IGF2BP1: variants seen among roughly 807,000 people sequenced by gnomAD.
The protein encoded by IGF2BP1 is insulin-like growth factor 2 mRNA-binding protein 1.
A neutral mutation model predicts 74.9 loss-of-function variants in IGF2BP1; 11 were observed. The observed-to-expected ratio is 0.15, with a 90% CI of 0.09 to 0.24. The LOEUF is 0.24. Among genes scored for constraint, IGF2BP1 ranks in the 10% least tolerant of loss-of-function variants. IGF2BP1 has a pLI of 1.00. For synonymous variants in IGF2BP1, 287 were observed against 281.8 expected, an observed-to-expected ratio of 1.02 and a Z score of -0.18; for missense variants, 440 against 757.4, an observed-to-expected ratio of 0.58 and a Z score of 4.92.
intron 2 of IGF2BP1, among the ~76,000 whole-genome samples, chr17:49,024,545 ATTG>A (rs1384733312): frequency 6.6e-6 from 1 of 152,152 alleles, no homozygotes; most frequent in Non-Finnish European, 1.5e-5. Context: ...AGATACATCT[ATTG>A]TTATACTTCA....
chr17:48,999,190 G>A (rs199502590), intron 2 of IGF2BP1, 21 bp downstream of exon 2: 3 of 761,016 alleles, frequency 3.9e-6, no homozygotes, highest in Non-Finnish European at 6.7e-6. Context: ...GCTCTTTTCG[G>A]GGGGGGTGGG....
intron 11 of IGF2BP1, 90 bp downstream of exon 11, chr17:49,044,176 A>G: frequency 6.7e-7 from 1 of 1,503,512 alleles, no homozygotes; most frequent in Non-Finnish European, 9.0e-7. Context: ...CCCCCTACTC[A>G]TTTGAGAATT....
intron 7 of IGF2BP1, 25 bp downstream of exon 7, chr17:49,040,116 C>A: frequency 6.2e-6 from 10 of 1,612,990 alleles, no homozygotes; most frequent in Non-Finnish European, 8.5e-6. Flanking sequence ...TTTCTTGGAT[C>A]TTCAGGGTCT....
At chr17:48,999,806 GC>G (rs753753942) in intron 2 of IGF2BP1, among the ~76,000 whole-genome samples, 4 of 151,312 alleles carry the variant, frequency 2.6e-5, no homozygotes, top group East Asian at 1.9e-4. Context: ...TCCTTTTCGA[GC>G]CCCCCTACCC....
Position 49,031,953 on chromosome 17 carries a change from C to T in IGF2BP1, c.381C>T (p.Ser127=). 6.2e-7 allele frequency: 1 copy of T among 1,612,100 alleles called. No individual in the cohort carries two copies. Among genetic ancestry groups the T allele is most frequent in the Non-Finnish European group, 8.5e-7 (1 of 1,178,996 alleles). Residue 127 remains serine (S), a synonymous_variant, in exon 5 of 15, where the codon TCC becomes TCT. Transcript: ENST00000290341. ...CGGCAGTGGTGAATGTCACCTATTC[C>T]AACCGGGAGCAGACCAGGCAGTGAG... ...SETAVVNVTY[S]NREQTRQAIM... is the part of the protein sequence containing the mutation.
intron 6 of IGF2BP1, 26 bp from the exon 7 acceptor site, chr17:49,039,931 A>T (rs1049229543): frequency 1.2e-6 from 2 of 1,611,168 alleles, no homozygotes; most frequent in African/African-American, 1.3e-5. Context: ...GGGACAACTA[A>T]CCAGCCTTGT....
At chr17:49,020,057 G>T (rs1280871650) in intron 2 of IGF2BP1, among the ~76,000 whole-genome samples, 1 of 130,690 alleles carries the variant, frequency 7.7e-6, no homozygotes, top group Non-Finnish European at 1.6e-5. Flanking sequence ...TTTTTGGGGG[G>T]GTGGGGTGGG....
At chr17:49,037,449 GATATTCAGGAACTCTA>G in intron 5 of IGF2BP1, 2 of 334,306 alleles carry the variant, frequency 6.0e-6, no homozygotes, top group Non-Finnish European at 5.8e-6. Context: ...ATATTCAAAT[GATATTCAGGAACTCTA>G]ATATTCATGG....
chr17:49,041,096 A>G (rs935380318), intron 7 of IGF2BP1, among the ~76,000 whole-genome samples: 54 of 152,282 alleles, frequency 3.5e-4, no homozygotes, highest in Non-Finnish European at 7.4e-4. Context: ...GGAGGATCGC[A>G]TGAGCCCAGG....
chr17:49,004,412 A>C (rs2041523683), intron 2 of IGF2BP1, among the ~76,000 whole-genome samples: 1 of 152,256 alleles, frequency 6.6e-6, no homozygotes, highest in Admixed American at 6.5e-5. Flanking sequence ...GAAAAGAGGC[A>C]AGAAGAGAGG....
chr17:49,037,264 T>C, intron 5 of IGF2BP1: 1 of 445,042 alleles, frequency 2.2e-6, no homozygotes, highest in Non-Finnish European at 4.3e-6. Flanking sequence ...ACCCTTACGG[T>C]AGGAAAATGC....
Position 49,054,994 on chromosome 17 carries a change from A to T in IGF2BP1, c.*5550A>T, listed in dbSNP as rs1370023136. The stretch of plus-strand genomic sequence containing the variant: ...TAATGGACCTCCTCATAGAAGCCCC[A>T]TTTCACTTTTGTTTTATCTACCTCT... On this transcript the variant is annotated 3_prime_UTR_variant, in exon 15 of 15. Coordinates refer to ENST00000290341, the MANE Select transcript of IGF2BP1 (RefSeq NM_006546.4). The T allele has an allele frequency of 1.2e-5, 1 of 80,198 alleles. No homozygotes were observed. The highest frequency in any genetic ancestry group is 5.0e-5 in the African/African-American group (1 of 19,836). 5.0% of individuals were successfully genotyped at this position (80,198 alleles called of 1,614,324 possible). A position where few individuals can be genotyped will look rare whatever the true frequency, so the allele number is the denominator to read the frequency against.
intron 13 of IGF2BP1, 36 bp downstream of exon 13, chr17:49,046,057 T>C: frequency 2.5e-6 from 4 of 1,609,490 alleles, no homozygotes; most frequent in Non-Finnish European, 3.4e-6. Context: ...GCCCTGGGCC[T>C]TGGTCTCCAA....
intron 8 of IGF2BP1, 103 bp from the exon 9 acceptor site, chr17:49,042,139 A>AG (rs2042059146): frequency 6.8e-7 from 1 of 1,460,206 alleles, no homozygotes; most frequent in African/African-American, 1.4e-5. Context: ...AATAGGCTGC[A>AG]GAAATGGTGG....
intron 2 of IGF2BP1, among the ~76,000 whole-genome samples, chr17:49,025,395 G>T (rs1018260068): frequency 6.6e-6 from 1 of 150,722 alleles, no homozygotes; most frequent in African/African-American, 2.4e-5. Flanking sequence ...ACCTGATTCT[G>T]CATTCCTAGG....
At chr17:49,029,860 A>G (rs563914276) in intron 4 of IGF2BP1, among the ~76,000 whole-genome samples, 1 of 151,372 alleles carries the variant, frequency 6.6e-6, no homozygotes, top group Non-Finnish European at 1.5e-5. Context: ...GCTGGTCTCA[A>G]ATTCCTGGCA....
Position 49,046,639 on chromosome 17 carries a change from C to T in IGF2BP1, c.1641+266C>T, listed in dbSNP as rs952297484. Among the ~76,000 whole-genome samples, 5 of 149,004 alleles carry T rather than the reference C, an allele frequency of 3.4e-5. No homozygotes were observed. The Admixed American group carries it at 3.4e-4, about 10-fold the overall frequency. ...TGTATAACATTATATATATAAATAACATATATATGAATATATATTATATGT... is the reference window on the plus strand; with the variant it reads ...TGTATAACATTATATATATAAATAATATATATATGAATATATATTATATGT... On this transcript the variant is annotated intron_variant, in intron 14 of 14. Transcript: ENST00000290341.
intron 6 of IGF2BP1, 87 bp from the exon 7 acceptor site, chr17:49,039,870 T>G (rs995577797): frequency 1.4e-6 from 2 of 1,441,334 alleles, no homozygotes; most frequent in African/African-American, 2.8e-5. Flanking sequence ...TTCTATGCCT[T>G]TGACTGAGGA....
chr17:49,039,369 C>T (rs544568896), intron 6 of IGF2BP1, among the ~76,000 whole-genome samples: 2 of 152,148 alleles, frequency 1.3e-5, no homozygotes, highest in East Asian at 1.9e-4. Flanking sequence ...TAATTCCCAC[C>T]CCTGCATTTG....
Sources: allele counts gnomAD v4.1 joint callset (sites outside exome capture counted in the v4.1 genomes callset), GRCh38; gene constraint gnomAD v4.1.1; transcripts MANE v1.5; gene names NCBI Gene and HGNC (gene_info 2026-07-23, HGNC 2026-07-21).